Variants in ST6GALNAC5 observed in about 807,000 individuals in gnomAD.
ST6GALNAC5 encodes ST6 N-acetylgalactosaminide alpha-2,6-sialyltransferase 5, also known as alpha-N-acetylgalactosaminide alpha-2,6-sialyltransferase 5.
A neutral mutation model predicts 33.6 loss-of-function variants in ST6GALNAC5; 27 were observed. That is an observed-to-expected ratio of 0.80 (90% CI 0.59 to 1.11). The LOEUF (loss-of-function observed/expected upper bound fraction) is 1.11, where lower values mean the gene tolerates loss of function less well. Ranked by LOEUF, ST6GALNAC5 falls within the 50% of genes least tolerant of loss-of-function variation. The probability of loss-of-function intolerance (pLI) is 0.00; values close to 1 mark genes in which losing one functional copy is unlikely to be tolerated. For missense variants in ST6GALNAC5, 428 were observed against 454.0 expected, an observed-to-expected ratio of 0.94 and a Z score of 0.52; for synonymous variants, 194 against 171.2, an observed-to-expected ratio of 1.13 and a Z score of -1.04.
chr1:76,921,893 C>T (rs1186456424), intron 2 of ST6GALNAC5, among the ~76,000 whole-genome samples: 1 of 152,162 alleles, frequency 6.6e-6, no homozygotes, highest in African/African-American at 2.4e-5. Context: ...GAAACCCTTA[C>T]AGCATATATC....
At chr1:76,982,474 A>C (rs1197120323) in intron 2 of ST6GALNAC5, among the ~76,000 whole-genome samples, 2 of 152,230 alleles carry the variant, frequency 1.3e-5, no homozygotes, top group Non-Finnish European at 2.9e-5. Flanking sequence ...AAAAAGAGTA[A>C]AAAGAAATGA....
intron 4 of ST6GALNAC5, among the ~76,000 whole-genome samples, chr1:77,051,535 G>A (rs574972861): frequency 8.5e-5 from 13 of 152,262 alleles, no homozygotes; most frequent in South Asian, 4.1e-4. Context: ...ATCCATAGAC[G>A]TGGATGTGAT....
At chr1:77,002,618 G>C (rs1378941308) in intron 2 of ST6GALNAC5, among the ~76,000 whole-genome samples, 65 of 150,676 alleles carry the variant, frequency 4.3e-4, no homozygotes, top group East Asian at 2.8e-3. Flanking sequence ...GCTTTCTCTT[G>C]TGGGCATTTA....
At chr1:76,926,808 A>G (rs1464258519) in intron 2 of ST6GALNAC5, among the ~76,000 whole-genome samples, 2 of 152,194 alleles carry the variant, frequency 1.3e-5, no homozygotes, top group Non-Finnish European at 2.9e-5. Context: ...TGGATTCTCC[A>G]TACCTTTATC....
At chr1:77,049,744 T>C (rs1652158378) in intron 3 of ST6GALNAC5, among the ~76,000 whole-genome samples, 1 of 152,236 alleles carries the variant, frequency 6.6e-6, no homozygotes, top group Admixed American at 6.5e-5. Context: ...ATCAAGATGT[T>C]GGTGTTAGTC....
intron 2 of ST6GALNAC5, among the ~76,000 whole-genome samples, chr1:76,893,606 G>A (rs1654058470): frequency 6.6e-6 from 1 of 152,126 alleles, no homozygotes; most frequent in African/African-American, 2.4e-5. Context: ...GAAGGACTCA[G>A]GAAATATTAG....
chr1:76,918,616 CAAAAAAAAAAA>C (rs5775368), intron 2 of ST6GALNAC5, among the ~76,000 whole-genome samples: 14 of 76,582 alleles, frequency 1.8e-4, no homozygotes, highest in Non-Finnish European at 4.7e-5. Context: ...GACTCCATCT[CAAAAAAAAAAA>C]AAAAAAAAAA....
At chr1:77,001,580 AG>A in intron 2 of ST6GALNAC5, among the ~76,000 whole-genome samples, 1 of 151,526 alleles carries the variant, frequency 6.6e-6, no homozygotes, top group Admixed American at 6.6e-5. Flanking sequence ...CAGTTTTCGA[AG>A]GGAATGCTTC....
intron 2 of ST6GALNAC5, among the ~76,000 whole-genome samples, chr1:76,926,430 C>T (rs571612184): frequency 6.6e-6 from 1 of 152,286 alleles, no homozygotes; most frequent in African/African-American, 2.4e-5. Context: ...AGGGGTCACT[C>T]TCTATATCAT....
rs964738038 is a variant in ST6GALNAC5, at chr1:76,868,341, G to A, written c.16-156G>A. Among the ~76,000 whole-genome samples, 1 of 152,052 alleles carries A rather than the reference G, an allele frequency of 6.6e-6. No homozygotes were observed. The highest frequency in any genetic ancestry group is 6.5e-5 in the Admixed American group (1 of 15,278). ...CCCTTGCGATACGCTAGGGGACGGT[G>A]CTTTCTCTGTCCCAGTTGCGTGCGG... On this transcript the variant is annotated intron_variant, in intron 1 of 4. Transcript: ENST00000477717. This position sits in a 1 kb window ranked among gnomAD's most constrained non-coding sequence, Gnocchi z 4.3.
chr1:76,983,924 T>C (rs1450072966), intron 2 of ST6GALNAC5, among the ~76,000 whole-genome samples: 2 of 152,118 alleles, frequency 1.3e-5, no homozygotes, highest in Non-Finnish European at 2.9e-5. Context: ...GGGTAAATAA[T>C]GAAATGAAGG....
chr1:76,899,880 A>G (rs185353664), intron 2 of ST6GALNAC5, among the ~76,000 whole-genome samples: 1 of 152,172 alleles, frequency 6.6e-6, no homozygotes, highest in African/African-American at 2.4e-5. Context: ...GGAGGACCAG[A>G]GGTTGTAGGT....
intron 2 of ST6GALNAC5, among the ~76,000 whole-genome samples, chr1:76,995,894 T>C (rs1449043441): frequency 6.6e-6 from 1 of 152,156 alleles, no homozygotes; most frequent in African/African-American, 2.4e-5. Flanking sequence ...ACGACTAGCA[T>C]GGAGCCGAAG....
chr1:76,929,663 C>T (rs781448493), intron 2 of ST6GALNAC5, among the ~76,000 whole-genome samples: 18 of 152,132 alleles, frequency 1.2e-4, no homozygotes, highest in Non-Finnish European at 2.6e-4. Context: ...GTTAACACTG[C>T]AGTGTGCTAG....
chr1:76,990,236 G>A (rs1212007342), intron 2 of ST6GALNAC5, among the ~76,000 whole-genome samples: 1 of 152,066 alleles, frequency 6.6e-6, no homozygotes, highest in Non-Finnish European at 1.5e-5. Flanking sequence ...GCTTCTGAAG[G>A]TATTTTTTTC....
intron 2 of ST6GALNAC5, among the ~76,000 whole-genome samples, chr1:76,975,612 T>C (rs1648978379): frequency 6.6e-6 from 1 of 152,214 alleles, no homozygotes; most frequent in African/African-American, 2.4e-5. Context: ...TGTAGCAAGG[T>C]AGATAAATCT....
At chr1:76,941,406 A>G (rs999403314) in intron 2 of ST6GALNAC5, among the ~76,000 whole-genome samples, 2 of 151,822 alleles carry the variant, frequency 1.3e-5, no homozygotes, top group East Asian at 3.9e-4. Context: ...TTTTGCTTGA[A>G]CCCCACAAAT....
At chr1:76,991,334 A>G (rs1300488442) in intron 2 of ST6GALNAC5, among the ~76,000 whole-genome samples, 1 of 152,360 alleles carries the variant, frequency 6.6e-6, no homozygotes, top group South Asian at 2.1e-4. Context: ...CTGAGGCCAT[A>G]TATCAATTAC....
At chr1:76,939,946 G>T (rs971206336) in intron 2 of ST6GALNAC5, among the ~76,000 whole-genome samples, 3 of 151,966 alleles carry the variant, frequency 2.0e-5, no homozygotes, top group Non-Finnish European at 2.9e-5. Context: ...CTTTAAAACC[G>T]GAATAATCAT....
Sources: gnomAD v4.1 joint callset for allele counts (sites outside exome capture counted in the v4.1 genomes callset) on GRCh38, gnomAD v4.1.1 for gene constraint, Gnocchi (gnomAD v3.1) non-coding constraint, MANE v1.5 for transcripts, NCBI Gene and HGNC (gene_info 2026-07-23, HGNC 2026-07-21) for gene names.